The following RALGAPA2 variants were observed in gnomAD, a reference collection of about 807,000 sequenced individuals.
RALGAPA2 encodes Ral GTPase activating protein catalytic subunit alpha 2.
RALGAPA2 carries 139 observed loss-of-function variants against 230.4 expected under a neutral mutation model. The ratio of observed to expected loss-of-function variants is 0.60; its 90% CI spans 0.53 to 0.69. The LOEUF (loss-of-function observed/expected upper bound fraction) is 0.69, where lower values mean the gene tolerates loss of function less well. RALGAPA2 is among the 30% of genes least tolerant of loss of function. The probability of loss-of-function intolerance (pLI) is 0.00; values close to 1 mark genes in which losing one functional copy is unlikely to be tolerated. For synonymous variants in RALGAPA2, 847 were observed against 837.8 expected (o/e 1.01, Z -0.19); for missense variants, 2,163 against 2,276.0 (o/e 0.95, Z 1.01).
intron 20 of RALGAPA2, among the ~76,000 whole-genome samples, chr20:20,580,622 C>A (rs2064956781): frequency 6.6e-6 from 1 of 152,188 alleles, no homozygotes; most frequent in Admixed American, 6.5e-5. Context: ...CCCTGCATGA[C>A]CCCTGTTTCC....
intron 34 of RALGAPA2, among the ~76,000 whole-genome samples, chr20:20,503,990 C>T (rs2062455815): frequency 6.6e-6 from 1 of 152,126 alleles, no homozygotes. Context: ...TACACCACTG[C>T]CGAAAGTTTA....
At chr20:20,711,684 A>G (rs572490245) in intron 1 of RALGAPA2, among the ~76,000 whole-genome samples, 22 of 152,172 alleles carry the variant, frequency 1.4e-4, no homozygotes, top group African/African-American at 3.9e-4. Context: ...GCCGGTAATA[A>G]AGGAGAAGCA....
intron 37 of RALGAPA2, among the ~76,000 whole-genome samples, chr20:20,442,036 G>C (rs544198731): frequency 6.6e-6 from 1 of 152,342 alleles, no homozygotes; most frequent in African/African-American, 2.4e-5. Flanking sequence ...AAAGTAGTCT[G>C]TGAAAATATT....
chr20:20,492,109 A>G (rs964815240), intron 36 of RALGAPA2, among the ~76,000 whole-genome samples: 2 of 152,228 alleles, frequency 1.3e-5, no homozygotes, highest in Non-Finnish European at 2.9e-5. Context: ...ATAGCCCTAC[A>G]TTATTACATA....
intron 23 of RALGAPA2, among the ~76,000 whole-genome samples, chr20:20,548,651 A>G (rs1285294663): frequency 6.6e-6 from 1 of 152,226 alleles, no homozygotes. Flanking sequence ...TTTAAGGTCC[A>G]TATCAGTCAA....
intron 37 of RALGAPA2, among the ~76,000 whole-genome samples, chr20:20,468,792 C>G (rs943867380): frequency 6.6e-6 from 1 of 152,126 alleles, no homozygotes; most frequent in African/African-American, 2.4e-5. Context: ...TCTCCACACC[C>G]CCACAAATCT....
At chr20:20,452,997 A>G (rs965896655) in intron 37 of RALGAPA2, among the ~76,000 whole-genome samples, 3 of 152,196 alleles carry the variant, frequency 2.0e-5, no homozygotes, top group African/African-American at 7.2e-5. Context: ...GTGTGGCCTC[A>G]GGCAAGTTAT....
chr20:20,710,078 G>A (rs1024553693), intron 1 of RALGAPA2, among the ~76,000 whole-genome samples: 4 of 152,288 alleles, frequency 2.6e-5, no homozygotes, highest in African/African-American at 4.8e-5. Flanking sequence ...GACAGGCTAC[G>A]TAACTAGCTC....
chr20:20,579,074 A>G (rs2064905440), intron 20 of RALGAPA2, among the ~76,000 whole-genome samples: 1 of 152,202 alleles, frequency 6.6e-6, no homozygotes, highest in Admixed American at 6.6e-5. Flanking sequence ...GTGGCAGGTA[A>G]CAGGAGCTGT....
At chr20:20,543,717 C>A (rs2145686120) in intron 24 of RALGAPA2, among the ~76,000 whole-genome samples, 1 of 152,166 alleles carries the variant, frequency 6.6e-6, no homozygotes, top group East Asian at 1.9e-4. Context: ...ACATCACACA[C>A]CACGGCCTGT....
intron 36 of RALGAPA2, among the ~76,000 whole-genome samples, chr20:20,490,452 A>G (rs930687839): frequency 5.3e-5 from 8 of 152,208 alleles, no homozygotes; most frequent in Admixed American, 4.6e-4. Context: ...GGTATTTTCA[A>G]TGATCTTTTC....
At position 20,709,136 on chromosome 20, in the gene RALGAPA2, C is replaced by T. The variant is rs144903715; in HGVS notation, c.106+3239G>A. 1.0e-3 allele frequency among the ~76,000 whole-genome samples: 157 copies of T among 151,018 alleles called. 1 individual carries two copies. The East Asian group carries it at 0.011, about 10-fold the overall frequency. ...GAGTTCAAGACCAGCCTGGCCAACA[C>T]GGTGAACCCCTGTCTCTACTAAAAA... is the stretch of plus-strand genomic sequence containing the variant. On this transcript the variant is annotated intron_variant, in intron 1 of 39. Coordinates refer to ENST00000202677, the MANE Select transcript of RALGAPA2 (RefSeq NM_020343.4).
intron 37 of RALGAPA2, among the ~76,000 whole-genome samples, chr20:20,423,412 A>G (rs79944050): frequency 0.017 from 2,613 of 152,272 alleles, 96 homozygotes; most frequent in East Asian, 0.16. Flanking sequence ...AAGTGAAAGA[A>G]CAGTCAAGGG....
In RALGAPA2 at chr20:20,568,385, T is replaced by TA. The variant is rs531036994; in HGVS notation, c.3156+3072dup. Among the ~76,000 whole-genome samples, 387 of 152,336 alleles carry TA rather than the reference T, an allele frequency of 2.5e-3. 4 individuals carry two copies. The highest frequency in any genetic ancestry group is 5.8e-3 in the Admixed American group (88 of 15,302). On this transcript the variant is annotated intron_variant, in intron 23 of 39. Coordinates refer to ENST00000202677, the MANE Select transcript of RALGAPA2 (RefSeq NM_020343.4). ...GATAACCAAAACTGGTTAAAAATAC[T>TA]AAAAACAGTTGCTTTGGAATGCACT...
At chr20:20,688,071 A>G (rs1036726251) in intron 1 of RALGAPA2, among the ~76,000 whole-genome samples, 1 of 152,238 alleles carries the variant, frequency 6.6e-6, no homozygotes, top group Non-Finnish European at 1.5e-5. Flanking sequence ...CAGATTCAGC[A>G]GGCAATCAGA....
chr20:20,482,927 C>T (rs145800439), intron 36 of RALGAPA2, among the ~76,000 whole-genome samples: 6 of 152,352 alleles, frequency 3.9e-5, no homozygotes, highest in African/African-American at 1.4e-4. Context: ...CAAGACTCTG[C>T]ACTGCTGTAC....
chr20:20,414,623 G>C (rs752796958), intron 37 of RALGAPA2, among the ~76,000 whole-genome samples: 3 of 152,184 alleles, frequency 2.0e-5, no homozygotes, highest in Non-Finnish European at 4.4e-5. Flanking sequence ...GGGCACCTTA[G>C]AGGAAGTCCA....
intron 27 of RALGAPA2, among the ~76,000 whole-genome samples, chr20:20,530,613 C>A (rs999679055): frequency 6.6e-6 from 1 of 152,166 alleles, no homozygotes; most frequent in African/African-American, 2.4e-5. Context: ...TGTTGCTGGC[C>A]TGATGGCGAC....
At chr20:20,442,374 C>T (rs987677024) in intron 37 of RALGAPA2, among the ~76,000 whole-genome samples, 7 of 152,256 alleles carry the variant, frequency 4.6e-5, no homozygotes, top group Non-Finnish European at 8.8e-5. Context: ...CGCTCTCTGT[C>T]GTCTTAGCCT....
Sources: gnomAD v4.1 joint callset for allele counts (sites outside exome capture counted in the v4.1 genomes callset) on GRCh38, gnomAD v4.1.1 for gene constraint, MANE v1.5 for transcripts, NCBI Gene and HGNC (gene_info 2026-07-23, HGNC 2026-07-21) for gene names.